ZNF106: variants seen among roughly 807,000 people sequenced by gnomAD.
ZNF106 encodes zinc finger protein 106.
In ZNF106, 67 loss-of-function variants were observed where a neutral mutation model predicts 195.1. That is an observed-to-expected ratio of 0.34 (90% confidence interval 0.28 to 0.42). ZNF106 has a LOEUF of 0.42. Among genes scored for constraint, ZNF106 ranks in the 10% least tolerant of loss-of-function variants. The pLI, the probability that ZNF106 is intolerant of heterozygous loss-of-function variation, is 1.00. For synonymous variants in ZNF106, 784 were observed against 818.6 expected (o/e 0.96, Z 0.72); for missense variants, 2,118 against 2,304.5 (o/e 0.92, Z 1.66).
chr15:42,452,565 C>T (rs980159351), intron 4 of ZNF106, among the ~76,000 whole-genome samples: 9 of 151,420 alleles, frequency 5.9e-5, no homozygotes, highest in Admixed American at 1.3e-4. Flanking sequence ...CCCTCCCTTT[C>T]TTGGTCTTGT....
chr15:42,428,987 G>A (rs1270639506), intron 14 of ZNF106, among the ~76,000 whole-genome samples: 3 of 151,136 alleles, frequency 2.0e-5, no homozygotes, highest in East Asian at 2.0e-4. Flanking sequence ...GGATGGTCTC[G>A]ATCTCCTGAC....
chr15:42,456,389 C>T (rs571224798), intron 4 of ZNF106, among the ~76,000 whole-genome samples: 2 of 152,254 alleles, frequency 1.3e-5, no homozygotes, highest in Admixed American at 6.5e-5. Flanking sequence ...TGGCTCACGC[C>T]TGTAATTCCA....
At chr15:42,469,953 T>C (rs1488314883) in intron 2 of ZNF106, among the ~76,000 whole-genome samples, 1 of 152,072 alleles carries the variant, frequency 6.6e-6, no homozygotes, top group African/African-American at 2.4e-5. Flanking sequence ...CCTTCTCATG[T>C]ATTAGGCTTC....
In ZNF106 at chr15:42,416,133, A is replaced by C. The variant is rs762455063; in HGVS notation, c.*1171T>G. The C allele has an allele frequency of 6.6e-6, 1 of 152,186 alleles. No homozygotes were observed. The highest frequency in any genetic ancestry group is 1.5e-5 in the Non-Finnish European group (1 of 68,046). 9.4% of individuals were successfully genotyped at this position (152,186 alleles called of 1,614,324 possible). Reference sequence around the variant, plus strand: ...AAAATCCAAAAACAAAGCCCCACTGAGGGTTTGTGAATTTGGCTGTTCTCA... The same window carrying C: ...AAAATCCAAAAACAAAGCCCCACTGCGGGTTTGTGAATTTGGCTGTTCTCA... On this transcript the variant is annotated 3_prime_UTR_variant, in exon 22 of 22. Coordinates refer to ENST00000564754, the MANE Select transcript of ZNF106 (RefSeq NM_001366845.3).
At position 42,415,480 on chromosome 15, in the gene ZNF106, G is replaced by GA. The variant is rs947729785; in HGVS notation, c.*1823dup. On this transcript the variant is annotated 3_prime_UTR_variant, in exon 22 of 22. Coordinates refer to ENST00000564754, the MANE Select transcript of ZNF106 (RefSeq NM_001366845.3). ...GTAAGAACCACTGGAGCCTTTCCTGGAAAAAAGAACACATACTCAGTCTCA... is the reference window on the plus strand; with the variant it reads ...GTAAGAACCACTGGAGCCTTTCCTGGAAAAAAAGAACACATACTCAGTCTCA... 4 of 454,592 alleles carry GA rather than the reference G, an allele frequency of 8.8e-6. No individual in the cohort carries two copies. Among genetic ancestry groups the GA allele is most frequent in the African/African-American group, 8.0e-5 (4 of 49,786 alleles). 28.2% of individuals were successfully genotyped at this position (454,592 alleles called of 1,614,324 possible). A position where few individuals can be genotyped will look rare whatever the true frequency, so the allele number is the denominator to read the frequency against.
Position 42,424,013 on chromosome 15 carries a change from A to C in ZNF106, c.5238T>G (p.His1746Gln). Reference protein sequence around the residue: ...VFSGSSDQSVHAHNIHTGELV... With the variant: ...VFSGSSDQSVQAHNIHTGELV... Reference sequence around the variant, plus strand: ...CACAGCTTACGTGAATGTTGTGAGCATGGACTGACTGATCACTGGAGCCAC... The same window carrying C: ...CACAGCTTACGTGAATGTTGTGAGCCTGGACTGACTGATCACTGGAGCCAC... The change falls in exon 17 of 22, where the codon CAT (histidine) becomes CAG (glutamine). Residue 1746 changes from histidine to glutamine, a missense_variant. Physicochemically the swap from His to Gln is conservative, Grantham distance 24 (BLOSUM62 0). Coordinates refer to ENST00000564754, the MANE Select transcript of ZNF106 (RefSeq NM_001366845.3). 6.2e-7 allele frequency: 1 copy of C among 1,612,590 alleles called. No individual in the cohort carries two copies. The highest frequency in any genetic ancestry group is 8.5e-7 in the Non-Finnish European group (1 of 1,179,672).
rs1025675800 is a variant in ZNF106 at position 42,417,653 on chromosome 15, A to G, written c.5664+152T>C. On this transcript the variant is annotated intron_variant, in intron 21 of 21. Coordinates refer to ENST00000564754, the MANE Select transcript of ZNF106 (RefSeq NM_001366845.3). ...GACCTAATTCTTCATTTGCAACTTC[A>G]TTAAGCTACCCCCCAAATCTCTGAA... 1.7e-5 allele frequency: 16 copies of G among 957,996 alleles called. No individual in the cohort carries two copies. The African/African-American group carries it at 2.3e-4, about 14-fold the overall frequency. The allele number at this position is 957,996 out of a possible 1,614,324, so 59.3% of individuals were successfully genotyped here.
intron 14 of ZNF106, among the ~76,000 whole-genome samples, chr15:42,429,446 A>AG (rs1190457497): frequency 6.6e-6 from 1 of 151,684 alleles, no homozygotes; most frequent in African/African-American, 2.4e-5. Context: ...CTCAATTAAA[A>AG]AAAAAAAAAT....
chr15:42,417,469 G>C, intron 21 of ZNF106, 109 bp from the exon 22 acceptor site: 1 of 1,340,692 alleles, frequency 7.5e-7, no homozygotes, highest in Non-Finnish European at 1.0e-6. Context: ...ATCCAGACAG[G>C]AAAGGCAGTT....
chr15:42,475,805 G>A (rs1013992132), intron 1 of ZNF106, among the ~76,000 whole-genome samples: 9 of 152,144 alleles, frequency 5.9e-5, no homozygotes, highest in Admixed American at 1.3e-4. Flanking sequence ...TTTAAATTGT[G>A]CTTCCAATTA....
At chr15:42,437,150 TTC>T in intron 13 of ZNF106, 80 bp downstream of exon 13, 2 of 1,452,806 alleles carry the variant, frequency 1.4e-6, no homozygotes, top group Non-Finnish European at 1.9e-6. Flanking sequence ...AGCCAACAAA[TTC>T]CCTTTATTGT....
intron 3 of ZNF106, among the ~76,000 whole-genome samples, chr15:42,457,983 G>C (rs150704828): frequency 6.6e-6 from 1 of 152,100 alleles, no homozygotes; most frequent in Non-Finnish European, 1.5e-5. Context: ...TCTTGAATCA[G>C]TGTCCACAGC....
intron 1 of ZNF106, among the ~76,000 whole-genome samples, chr15:42,478,841 T>C (rs1006310212): frequency 6.6e-6 from 1 of 152,072 alleles, no homozygotes. Context: ...CCTCCTACCT[T>C]TTTTCTCTTC....
Position 42,424,153 on chromosome 15 carries a change from C to G in ZNF106, c.5191-93G>C, listed in dbSNP as rs556304682. On this transcript the variant is annotated intron_variant, in intron 16 of 21. Coordinates refer to ENST00000564754, the MANE Select transcript of ZNF106 (RefSeq NM_001366845.3). ...CACATTGGCAAATTCTAATTTCCATCCTATTTTGAGATGAGCACGATGAAC... is the reference window on the plus strand; with the variant it reads ...CACATTGGCAAATTCTAATTTCCATGCTATTTTGAGATGAGCACGATGAAC... The G allele has an allele frequency of 1.5e-5, 17 of 1,137,434 alleles. No homozygotes were observed. In the African/African-American group the frequency reaches 2.2e-4, roughly 15 times the overall value. The allele number at this position is 1,137,434 out of a possible 1,614,324, so 70.5% of individuals were successfully genotyped here.
intron 14 of ZNF106, among the ~76,000 whole-genome samples, chr15:42,433,348 G>A (rs1418223464): frequency 1.3e-5 from 2 of 151,206 alleles, no homozygotes; most frequent in African/African-American, 2.4e-5. Flanking sequence ...CTCGTGATCC[G>A]CCCACCTCGG....
rs1166176846 is a variant in ZNF106 at position 42,451,020 on chromosome 15, C to T, written c.1252G>A (p.Asp418Asn). The T allele has an allele frequency of 1.2e-6, 2 of 1,614,014 alleles. No homozygotes were observed. Among genetic ancestry groups the T allele is most frequent in the African/African-American group, 2.7e-5 (2 of 74,896 alleles). ...TGTGTTGGGGAATTACGTGTTTCATCAGTTTGGGGCTCCTGTATTCCTGTA... is the reference window on the plus strand; with the variant it reads ...TGTGTTGGGGAATTACGTGTTTCATTAGTTTGGGGCTCCTGTATTCCTGTA... ...ITTGIQEPQTDETRNSPTQKT... is the reference protein window; with the variant it reads ...ITTGIQEPQTNETRNSPTQKT... Residue 418 changes from aspartate (D) to asparagine (N), a missense_variant, in exon 5 of 22, where the codon GAT (aspartate) becomes AAT (asparagine). Transcript: ENST00000564754.
chr15:42,452,702 TTGA>T (rs1412420971), intron 4 of ZNF106, among the ~76,000 whole-genome samples: 3,718 of 148,208 alleles, frequency 0.025, 51 homozygotes, highest in Non-Finnish European at 0.041. Context: ...TTTTTTTTTT[TTGA>T]GACAGAGTCT....
In ZNF106 at chr15:42,442,133, C is replaced by T; in HGVS notation, c.3703G>A (p.Val1235Met). The T allele has an allele frequency of 6.2e-7, 1 of 1,614,192 alleles. No individual in the cohort carries two copies. Among genetic ancestry groups the T allele is most frequent in the Non-Finnish European group, 8.5e-7 (1 of 1,180,032 alleles). The change falls in exon 10 of 22, where the codon GTG becomes ATG. Residue 1235 changes from valine (V) to methionine (M), a missense_variant. Physicochemically the swap from Val to Met is conservative, Grantham distance 21 (BLOSUM62 1). Coordinates refer to ENST00000564754, the MANE Select transcript of ZNF106 (RefSeq NM_001366845.3). ...GCAGAGCTTGGTGGCACAGCATTCA[C>T]ATTCTCATCTTGTTCAGGAGACATG... is the stretch of plus-strand genomic sequence containing the variant. ...EPMSPEQDEN[V>M]NAVPPSSACN...
chr15:42,443,451 G>A (rs986995527), intron 9 of ZNF106, among the ~76,000 whole-genome samples: 23 of 151,404 alleles, frequency 1.5e-4, no homozygotes, highest in East Asian at 1.9e-4. Flanking sequence ...GGGAAACACT[G>A]GGAGATTCCA....
Sources: allele counts gnomAD v4.1 joint callset (sites outside exome capture counted in the v4.1 genomes callset), GRCh38; gene constraint gnomAD v4.1.1; transcripts MANE v1.5; gene names NCBI Gene and HGNC (gene_info 2026-07-23, HGNC 2026-07-21).